TMEM59: variants seen among roughly 807,000 people sequenced by gnomAD.
TMEM59 encodes the protein transmembrane protein 59.
In TMEM59, 44 loss-of-function variants were observed where a neutral mutation model predicts 42.2. That is an observed-to-expected ratio of 1.04 (90% CI 0.82 to 1.34). The LOEUF is 1.34. Ranked by LOEUF, TMEM59 falls within the 40% of genes most tolerant of loss-of-function variation. The pLI, the probability that TMEM59 is intolerant of heterozygous loss-of-function variation, is 0.00. For missense variants in TMEM59, 359 were observed against 382.8 expected, an observed-to-expected ratio of 0.94 and a Z score of 0.52; for synonymous variants, 148 against 145.8, an observed-to-expected ratio of 1.02 and a Z score of -0.11.
rs372969149 is a variant in TMEM59 at position 54,042,061 on chromosome 1, T to G, written c.544-256A>C. Among the ~76,000 whole-genome samples the G allele has an allele frequency of 3.9e-3, 585 of 151,174 alleles. 3 individuals are homozygous for G. The highest frequency in any genetic ancestry group is 6.8e-3 in the Middle Eastern group (2 of 294). The stretch of plus-strand genomic sequence containing the variant: ...TCCTGACAACGTTTTGTTTTGTTTT[T>G]TTTTTTTTTTAAAGGGAGAGAGGGA... On this transcript the variant is annotated intron_variant, in intron 4 of 7. Transcript: ENST00000234831.
Position 54,030,156 on chromosome 1 carries a change from A to G in TMEM59, c.*1994T>C, listed in dbSNP as rs1288790796. 1 of 152,012 alleles carries G rather than the reference A, an allele frequency of 6.6e-6. No individual in the cohort carries two copies. The highest frequency in any genetic ancestry group is 1.5e-5 in the Non-Finnish European group (1 of 67,994). 9.4% of individuals were successfully genotyped at this position (152,012 alleles called of 1,614,324 possible). On this transcript the variant is annotated 3_prime_UTR_variant, in exon 8 of 8. Coordinates refer to ENST00000234831, the MANE Select transcript of TMEM59 (RefSeq NM_004872.5). Reference sequence around the variant, plus strand: ...TACAGTTGCTTTAAAAAAAAAAAAAAAGATGGGATTCTCATTATATTGCCC... The same window carrying G: ...TACAGTTGCTTTAAAAAAAAAAAAAGAGATGGGATTCTCATTATATTGCCC...
Position 54,043,469 on chromosome 1 carries a change from T to G in TMEM59, c.447A>C (p.Ser149=), listed in dbSNP as rs749144075. ...HLLFPLTLVR[S]FWSDMMDSAQ... ...CGGAGTCCATCATGTCACTCCAGAATGACCTCACCAGAGTTAGAGGAAAGA... is the reference window on the plus strand; with the variant it reads ...CGGAGTCCATCATGTCACTCCAGAAGGACCTCACCAGAGTTAGAGGAAAGA... The change falls in exon 4 of 8, where the codon TCA becomes TCC. Residue 149 remains serine (S), a synonymous_variant. Coordinates refer to ENST00000234831, the MANE Select transcript of TMEM59 (RefSeq NM_004872.5). 8 of 1,571,728 alleles carry G rather than the reference T, an allele frequency of 5.1e-6. No individual in the cohort carries two copies. The South Asian group carries it at 9.5e-5, about 19-fold the overall frequency.
At chr1:54,051,056 T>C (rs1316833717) in intron 1 of TMEM59, among the ~76,000 whole-genome samples, 1 of 151,672 alleles carries the variant, frequency 6.6e-6, no homozygotes, top group African/African-American at 2.4e-5. Context: ...GGTCTTGCCA[T>C]GTTGTCCAGG....
chr1:54,046,844 T>C (rs1247498266), intron 2 of TMEM59, among the ~76,000 whole-genome samples: 1 of 152,256 alleles, frequency 6.6e-6, no homozygotes, highest in African/African-American at 2.4e-5. Flanking sequence ...CTTATTTTAA[T>C]GGCCTGACCA....
In TMEM59 at chr1:54,053,079, G is replaced by C. The variant is rs753156015; in HGVS notation, c.110C>G (p.Ala37Gly). 1 of 1,614,248 alleles carries C rather than the reference G, an allele frequency of 6.2e-7. No homozygotes were observed. Among genetic ancestry groups the C allele is most frequent in the East Asian group, 2.2e-5 (1 of 44,888 alleles). The change falls in exon 1 of 8, where the codon GCA (alanine) becomes GGA (glycine). Residue 37 changes from alanine to glycine, a missense_variant. Ala to Gly is a moderately conservative substitution (Grantham distance 60, BLOSUM62 0). Coordinates refer to ENST00000234831, the MANE Select transcript of TMEM59 (RefSeq NM_004872.5). ...CGTATCACCCAAGACCGAGTCAAATGCTTCAGCCGAAGCGGTCCCCGAACC... is the reference window on the plus strand; with the variant it reads ...CGTATCACCCAAGACCGAGTCAAATCCTTCAGCCGAAGCGGTCCCCGAACC... The part of the protein sequence containing the change: ...AGGSGTASAE[A>G]FDSVLGDTAS...
chr1:54,051,812 C>G (rs1283821347), intron 1 of TMEM59, among the ~76,000 whole-genome samples: 1 of 152,202 alleles, frequency 6.6e-6, no homozygotes, highest in Non-Finnish European at 1.5e-5. Flanking sequence ...ACATAAATCT[C>G]TGGAAAAATT....
In TMEM59 at chr1:54,052,690, ATATCCTCCCC is replaced by A. The variant is rs1208900618; in HGVS notation, c.189+300_189+309del. Among the ~76,000 whole-genome samples the A allele has an allele frequency of 5.3e-5, 8 of 151,944 alleles. No individual in the cohort carries two copies. In the East Asian group the frequency reaches 1.5e-3, roughly 29 times the overall value. Reference sequence around the variant, plus strand: ...GGTGAGGACCCCGCATTAATCATCCATATCCTCCCCTATCCTCCTCCGAGTGCTCGACTCC... The same window carrying A: ...GGTGAGGACCCCGCATTAATCATCCATATCCTCCTCCGAGTGCTCGACTCC... On this transcript the variant is annotated intron_variant, in intron 1 of 7. Coordinates refer to ENST00000234831, the MANE Select transcript of TMEM59 (RefSeq NM_004872.5).
At chr1:54,043,301 G>A (rs1657205423) in intron 4 of TMEM59, 72 bp downstream of exon 4, 4 of 1,269,134 alleles carry the variant, frequency 3.2e-6, no homozygotes, top group Non-Finnish European at 4.1e-6. Flanking sequence ...GTTCTATGCT[G>A]AAACACTCAT....
At chr1:54,049,457 G>A (rs1464620239) in intron 1 of TMEM59, among the ~76,000 whole-genome samples, 1 of 152,064 alleles carries the variant, frequency 6.6e-6, no homozygotes, top group Non-Finnish European at 1.5e-5. Flanking sequence ...TGAAACATCT[G>A]GTATGGAGCA....
In TMEM59 at chr1:54,053,063, C is replaced by G. The variant is rs1029612285; in HGVS notation, c.126G>C (p.Leu42Phe). The part of the protein sequence containing the change: ...TASAEAFDSV[L>F]GDTASCHRAC... ...CCCGGTGGCAAGACGCCGTATCACC[C>G]AAGACCGAGTCAAATGCTTCAGCCG... Residue 42 changes from leucine to phenylalanine, a missense_variant, in exon 1 of 8, where the codon TTG becomes TTC. Physicochemically the swap from Leu to Phe is conservative, Grantham distance 22. Transcript: ENST00000234831. The G allele has an allele frequency of 6.2e-7, 1 of 1,614,176 alleles. No homozygotes were observed. The highest frequency in any genetic ancestry group is 8.5e-7 in the Non-Finnish European group (1 of 1,180,036).
chr1:54,042,051 G>GT (rs753841730), intron 4 of TMEM59, among the ~76,000 whole-genome samples: 8,765 of 143,158 alleles, frequency 0.061, 548 homozygotes, highest in African/African-American at 0.16. Flanking sequence ...ACAACGTTTT[G>GT]TTTTGTTTTT....
chr1:54,034,449 C>G (rs1316969944), intron 7 of TMEM59: 1 of 152,224 alleles, frequency 6.6e-6, no homozygotes, highest in East Asian at 1.9e-4. Context: ...TGCCCCAGTA[C>G]CTTAAGCTTT....
chr1:54,047,210 C>T, intron 2 of TMEM59, 57 bp downstream of exon 2: 1 of 1,395,058 alleles, frequency 7.2e-7, no homozygotes, highest in Non-Finnish European at 9.9e-7. Context: ...ACTTCAAAAG[C>T]TTATCACAAA....
In TMEM59 at chr1:54,029,932, A is replaced by T. The variant is rs1298098443; in HGVS notation, c.*2218T>A. 2.6e-5 allele frequency: 4 copies of T among 152,182 alleles called. No homozygotes were observed. Among genetic ancestry groups the T allele is most frequent in the Admixed American group, 6.5e-5 (1 of 15,274 alleles). The allele number at this position is 152,182 out of a possible 1,614,324, so 9.4% of individuals were successfully genotyped here. A position where few individuals can be genotyped will look rare whatever the true frequency, so the allele number is the denominator to read the frequency against. Reference sequence around the variant, plus strand: ...TGGCTTAATTATGCTAAAAAAGAGGAGACAAATATTTGAGTGCCTGCTAAA... The same window carrying T: ...TGGCTTAATTATGCTAAAAAAGAGGTGACAAATATTTGAGTGCCTGCTAAA... On this transcript the variant is annotated 3_prime_UTR_variant, in exon 8 of 8. Coordinates refer to ENST00000234831, the MANE Select transcript of TMEM59 (RefSeq NM_004872.5).
intron 4 of TMEM59, among the ~76,000 whole-genome samples, 159 bp from the exon 5 acceptor site, chr1:54,041,964 T>C (rs1657152016): frequency 1.3e-5 from 2 of 152,052 alleles, no homozygotes; most frequent in Non-Finnish European, 2.9e-5. Flanking sequence ...ATATTTTAAT[T>C]GCACTTCCTA....
chr1:54,051,681 C>T (rs1421653176), intron 1 of TMEM59, among the ~76,000 whole-genome samples: 1 of 152,194 alleles, frequency 6.6e-6, no homozygotes, highest in East Asian at 1.9e-4. Flanking sequence ...TAATGAGCTT[C>T]TTCATACAAT....
chr1:54,042,051 G>GTTTTTT lies in TMEM59; in HGVS notation c.544-247_544-246insAAAAAA, dbSNP rs753841730. ...TAGTTTAACTTCCTGACAACGTTTT[G>GTTTTTT]TTTTGTTTTTTTTTTTTTTTAAAGG... On this transcript the variant is annotated intron_variant, in intron 4 of 7. Coordinates refer to ENST00000234831, the MANE Select transcript of TMEM59 (RefSeq NM_004872.5). 9.1e-5 allele frequency among the ~76,000 whole-genome samples: 13 copies of GTTTTTT among 143,244 alleles called. 1 individual carries two copies. The highest frequency in any genetic ancestry group is 2.4e-4 in the African/African-American group (9 of 38,244). The allele number at this position is 143,244 out of a possible 152,430, so 94.0% of individuals were successfully genotyped here. A position where few individuals can be genotyped will look rare whatever the true frequency, so the allele number is the denominator to read the frequency against.
rs1656697042 is a variant in TMEM59 at position 54,029,398 on chromosome 1, T to C, written c.*2752A>G. ...GAGGGACCTGAGCCAAGAAAGACCT[T>C]AGAAGTCTGGGAGGTTTGAACCAGA... On this transcript the variant is annotated 3_prime_UTR_variant, in exon 8 of 8. Transcript: ENST00000234831. The C allele has an allele frequency of 2.0e-5, 3 of 152,188 alleles. No homozygotes were observed. Among genetic ancestry groups the C allele is most frequent in the Admixed American group, 6.5e-5 (1 of 15,284 alleles). The allele number at this position is 152,188 out of a possible 1,614,324, so 9.4% of individuals were successfully genotyped here.
intron 2 of TMEM59, among the ~76,000 whole-genome samples, chr1:54,046,688 A>G (rs983672640): frequency 6.6e-6 from 1 of 152,228 alleles, no homozygotes; most frequent in Non-Finnish European, 1.5e-5. Context: ...ACTAATAAAC[A>G]GTGTAACGAG....
Sources: allele counts gnomAD v4.1 joint callset (sites outside exome capture counted in the v4.1 genomes callset), GRCh38; gene constraint gnomAD v4.1.1; transcripts MANE v1.5; gene names NCBI Gene and HGNC (gene_info 2026-07-23, HGNC 2026-07-21).